The following VWA3B variants were observed in gnomAD, a reference collection of about 807,000 sequenced individuals.
VWA3B encodes von Willebrand factor A domain containing 3B.
In VWA3B, 138 loss-of-function variants were observed where a neutral mutation model predicts 158.3. That is an observed-to-expected ratio of 0.87 (90% CI 0.76 to 1.00). The LOEUF is 1.00. Ranked by LOEUF, VWA3B falls within the 50% of genes least tolerant of loss-of-function variation. The pLI is 0.00. For synonymous variants in VWA3B, 596 were observed against 587.3 expected, an observed-to-expected ratio of 1.01 and a Z score of -0.21; for missense variants, 1,555 against 1,565.1, an observed-to-expected ratio of 0.99 and a Z score of 0.11.
chr2:98,177,804 C>T (rs115226780), intron 8 of VWA3B, among the ~76,000 whole-genome samples: 5 of 152,026 alleles, frequency 3.3e-5, no homozygotes, highest in African/African-American at 4.8e-5. Flanking sequence ...AGGATTGGTT[C>T]GAATGTGTTT....
intron 5 of VWA3B, among the ~76,000 whole-genome samples, chr2:98,126,054 A>G (rs1156616286): frequency 1.3e-5 from 2 of 152,188 alleles, no homozygotes; most frequent in African/African-American, 4.8e-5. Context: ...GGTGGTCTCA[A>G]TGTAAAGCAT....
chr2:98,290,586 A>T lies in VWA3B; in HGVS notation c.3121A>T (p.Ile1041Phe). ...RPDPLKGQKV[I>F]ARCDENGFYF... The stretch of plus-strand genomic sequence containing the variant: ...AGATCCCCTCAAAGGACAGAAGGTT[A>T]TTGCAAGATGTGATGAAAATGGCTT... Residue 1041 changes from isoleucine to phenylalanine, a missense_variant, in exon 23 of 28, where the codon ATT becomes TTT. Transcript: ENST00000477737. The T allele has an allele frequency of 1.3e-6, 2 of 1,595,876 alleles. No individual in the cohort carries two copies. Among genetic ancestry groups the T allele is most frequent in the East Asian group, 2.2e-5 (1 of 44,680 alleles).
At chr2:98,113,717 T>C (rs573714079) in intron 2 of VWA3B, among the ~76,000 whole-genome samples, 1 of 152,340 alleles carries the variant, frequency 6.6e-6, no homozygotes, top group African/African-American at 2.4e-5. Context: ...ACTTTCTCTA[T>C]AGATTTGCTT....
chr2:98,214,974 G>C (rs1490238613), intron 13 of VWA3B, among the ~76,000 whole-genome samples: 1 of 152,058 alleles, frequency 6.6e-6, no homozygotes, highest in Non-Finnish European at 1.5e-5. Context: ...CCGCAAGCAG[G>C]GTATTGACAA....
intron 15 of VWA3B, 107 bp downstream of exon 15, chr2:98,228,439 TG>T: frequency 4.4e-6 from 6 of 1,360,030 alleles, no homozygotes; most frequent in South Asian, 1.6e-5. Flanking sequence ...TTTCTTTTAG[TG>T]AAAAGAATCA....
downstream of VWA3B, among the ~76,000 whole-genome samples, chr2:98,317,334 C>T (rs1025681526): frequency 6.3e-4 from 96 of 152,144 alleles, 1 homozygote; most frequent in African/African-American, 2.2e-3. Context: ...ATTCTAAACC[C>T]CCCCCAGCCA....
At chr2:98,135,028 A>T (rs1338469261) in intron 7 of VWA3B, among the ~76,000 whole-genome samples, 3 of 152,196 alleles carry the variant, frequency 2.0e-5, no homozygotes, top group Non-Finnish European at 4.4e-5. Flanking sequence ...AAATGCCAAC[A>T]TATAGGCAAG....
At chr2:98,228,380 G>T (rs772499925) in intron 15 of VWA3B, 48 bp downstream of exon 15, 2 of 1,568,496 alleles carry the variant, frequency 1.3e-6, no homozygotes, top group African/African-American at 2.7e-5. Context: ...CCTCTTGAGA[G>T]CTGGGCTTGC....
chr2:98,306,262 G>C (rs1382369770), intron 26 of VWA3B, among the ~76,000 whole-genome samples: 9 of 152,046 alleles, frequency 5.9e-5, no homozygotes, highest in African/African-American at 2.2e-4. Flanking sequence ...AATTTCCTTT[G>C]CATTGGACAC....
At chr2:98,183,264 C>G (rs1225117729) in intron 9 of VWA3B, among the ~76,000 whole-genome samples, 1 of 142,698 alleles carries the variant, frequency 7.0e-6, no homozygotes, top group African/African-American at 2.6e-5. Context: ...GGACTACATA[C>G]TGAAACTGGA....
chr2:98,224,733 C>T (rs1684776899), intron 14 of VWA3B, among the ~76,000 whole-genome samples: 1 of 139,818 alleles, frequency 7.2e-6, no homozygotes, highest in South Asian at 2.5e-4. Flanking sequence ...AATCAAAAGA[C>T]AGATACTGGC....
rs116066987 is a variant in VWA3B, at chr2:98,170,377, T to G, written c.1114+7401T>G. 9.7e-3 allele frequency among the ~76,000 whole-genome samples: 1,483 copies of G among 152,334 alleles called. 17 individuals carry two copies. Among genetic ancestry groups the G allele is most frequent in the African/African-American group, 0.034 (1,394 of 41,564 alleles). On this transcript the variant is annotated intron_variant, in intron 8 of 27. Transcript: ENST00000477737. Reference sequence around the variant, plus strand: ...CAAGATTTGGCTCCAAATACTTGCTTGTTTCAAAATACCAAATTCAGTTTC... The same window carrying G: ...CAAGATTTGGCTCCAAATACTTGCTGGTTTCAAAATACCAAATTCAGTTTC...
intron 21 of VWA3B, among the ~76,000 whole-genome samples, chr2:98,256,499 G>A (rs901132110): frequency 2.0e-5 from 3 of 152,018 alleles, no homozygotes; most frequent in Admixed American, 1.3e-4. Context: ...GCTTTTCTTA[G>A]TTAATGTAAA....
chr2:98,298,599 T>G (rs1484354736), intron 24 of VWA3B, among the ~76,000 whole-genome samples: 1 of 152,184 alleles, frequency 6.6e-6, no homozygotes, highest in Non-Finnish European at 1.5e-5. Flanking sequence ...AGCCCAAATG[T>G]GCATTCCATA....
intron 21 of VWA3B, among the ~76,000 whole-genome samples, chr2:98,258,114 A>G (rs887254458): frequency 2.0e-5 from 3 of 151,886 alleles, no homozygotes; most frequent in African/African-American, 7.2e-5. Flanking sequence ...TTAAGAGACT[A>G]TTCTTTCCCT....
chr2:98,285,073 G>T (rs565151896), intron 22 of VWA3B, among the ~76,000 whole-genome samples: 1 of 152,156 alleles, frequency 6.6e-6, no homozygotes, highest in Admixed American at 6.5e-5. Flanking sequence ...CCTCATGAAG[G>T]TTACCTATTT....
Position 98,256,172 on chromosome 2 carries a change from A to C in VWA3B, c.2841A>C (p.Glu947Asp), listed in dbSNP as rs1184110920. Reference protein sequence around the residue: ...VWRALSQEEKEKLDANKPIQY... With the variant: ...VWRALSQEEKDKLDANKPIQY... ...GAGCATTATCTCAAGAGGAAAAAGAAAAGTAAGCCATTCCATTCCCTCCTC... is the reference window on the plus strand; with the variant it reads ...GAGCATTATCTCAAGAGGAAAAAGACAAGTAAGCCATTCCATTCCCTCCTC... The change falls in exon 21 of 28, where the codon GAA (glutamate) becomes GAC (aspartate). Residue 947 changes from glutamate (E) to aspartate (D), a missense_variant and splice_region_variant. Coordinates refer to ENST00000477737, the MANE Select transcript of VWA3B (RefSeq NM_144992.5). 6.2e-7 allele frequency: 1 copy of C among 1,609,668 alleles called. No homozygotes were observed. The highest frequency in any genetic ancestry group is 8.5e-7 in the Non-Finnish European group (1 of 1,179,322).
intron 22 of VWA3B, among the ~76,000 whole-genome samples, chr2:98,285,382 A>T (rs1203466873): frequency 6.6e-6 from 1 of 152,172 alleles, no homozygotes; most frequent in African/African-American, 2.4e-5. Flanking sequence ...ATTATGAATA[A>T]TGCTGATATG....
chr2:98,310,814 C>T (rs1194652278), intron 26 of VWA3B, among the ~76,000 whole-genome samples: 1 of 152,194 alleles, frequency 6.6e-6, no homozygotes, highest in African/African-American at 2.4e-5. Flanking sequence ...TCACTGCTGT[C>T]GCCCAGGCCA....
Sources: allele counts gnomAD v4.1 joint callset (sites outside exome capture counted in the v4.1 genomes callset), GRCh38; gene constraint gnomAD v4.1.1; transcripts MANE v1.5; gene names NCBI Gene and HGNC (gene_info 2026-07-23, HGNC 2026-07-21).